The following CSMD2 variants were observed in gnomAD, a reference collection of about 807,000 sequenced individuals.
CSMD2 encodes the protein CUB and Sushi multiple domains 2.
In CSMD2, 130 loss-of-function variants were observed where a neutral mutation model predicts 398.5. The observed-to-expected ratio is 0.33, with a 90% CI of 0.28 to 0.38. The LOEUF is 0.38. CSMD2 is among the 10% of genes least tolerant of loss of function. CSMD2 has a pLI of 1.00. For synonymous variants in CSMD2, 1,828 were observed against 1,908.5 expected (o/e 0.96, Z 1.10); for missense variants, 3,829 against 4,764.9 (o/e 0.80, Z 5.78).
intron 14 of CSMD2, among the ~76,000 whole-genome samples, chr1:33,740,871 C>T (rs1647038196): frequency 6.6e-6 from 1 of 152,182 alleles, no homozygotes; most frequent in African/African-American, 2.4e-5. Context: ...ATGCACATAG[C>T]AGGAATATGG....
intron 41 of CSMD2, chr1:33,605,788 G>T: frequency 8.5e-7 from 1 of 1,177,922 alleles, no homozygotes; most frequent in Non-Finnish European, 1.2e-6. Context: ...TTGCTCAATT[G>T]AACCTCTATT....
chr1:33,665,159 T>C (rs1413132988), intron 25 of CSMD2, among the ~76,000 whole-genome samples: 3 of 152,186 alleles, frequency 2.0e-5, no homozygotes, highest in African/African-American at 7.2e-5. Context: ...ATTCTACTTA[T>C]ATATTATGAC....
chr1:33,611,389 C>G (rs1640993403), intron 40 of CSMD2, 139 bp from the exon 41 acceptor site: 1 of 715,594 alleles, frequency 1.4e-6, no homozygotes, highest in African/African-American at 1.8e-5. Context: ...CTAGAACTGG[C>G]TTTGGGAATT....
intron 64 of CSMD2, among the ~76,000 whole-genome samples, chr1:33,530,091 G>T (rs555709879): frequency 6.6e-6 from 1 of 152,272 alleles, no homozygotes; most frequent in South Asian, 2.1e-4. Flanking sequence ...AGACAAATGA[G>T]ATTACATCAA....
chr1:34,000,246 T>C (rs1646858174), intron 3 of CSMD2, among the ~76,000 whole-genome samples: 1 of 152,110 alleles, frequency 6.6e-6, no homozygotes, highest in South Asian at 2.1e-4. Context: ...TGTGGGAATG[T>C]GGACCAGCCA....
At chr1:33,664,919 T>C (rs1437485897) in intron 25 of CSMD2, among the ~76,000 whole-genome samples, 2 of 152,222 alleles carry the variant, frequency 1.3e-5, no homozygotes, top group Non-Finnish European at 2.9e-5. Context: ...CTAATCAGTA[T>C]TGATGTTACT....
At chr1:33,645,806 C>T (rs987127319) in intron 29 of CSMD2, among the ~76,000 whole-genome samples, 3 of 152,146 alleles carry the variant, frequency 2.0e-5, no homozygotes, top group African/African-American at 7.2e-5. Flanking sequence ...ATGCTTTATC[C>T]AAGGTCACGC....
intron 2 of CSMD2, among the ~76,000 whole-genome samples, chr1:34,033,676 G>A (rs141534778): frequency 8.9e-4 from 136 of 152,256 alleles, no homozygotes; most frequent in Non-Finnish European, 1.7e-3. Context: ...AGGAATCTAG[G>A]AGGAATTTCA....
At chr1:33,674,398 G>A (rs1473224213) in intron 25 of CSMD2, among the ~76,000 whole-genome samples, 1 of 152,184 alleles carries the variant, frequency 6.6e-6, no homozygotes, top group East Asian at 1.9e-4. Flanking sequence ...AATTCAACAA[G>A]AGGAGCTAAC....
At chr1:33,561,053 T>G (rs1658494276) in intron 53 of CSMD2, among the ~76,000 whole-genome samples, 1 of 152,220 alleles carries the variant, frequency 6.6e-6, no homozygotes, top group South Asian at 2.1e-4. Context: ...GATTAGGAAC[T>G]ATAAGGGATG....
rs534257392 is a variant in CSMD2 at position 33,920,520 on chromosome 1, C to A, written c.713-2219G>T. On this transcript the variant is annotated intron_variant, in intron 4 of 70. Coordinates refer to ENST00000373381, the MANE Select transcript of CSMD2 (RefSeq NM_001281956.2). ...TTGTGCTATTGCACTCCAGCCAGGG[C>A]AATAAGAGCGACAATCTGTCTCAAA... Among the ~76,000 whole-genome samples the A allele has an allele frequency of 2.7e-5, 3 of 109,530 alleles. No individual in the cohort carries two copies. In the South Asian group the frequency reaches 9.7e-4, roughly 36 times the overall value. 71.9% of individuals were successfully genotyped at this position (109,530 alleles called of 152,430 possible). A position where few individuals can be genotyped will look rare whatever the true frequency, so the allele number is the denominator to read the frequency against.
At chr1:33,534,154 T>C (rs2148567585) in intron 62 of CSMD2, among the ~76,000 whole-genome samples, 1 of 152,318 alleles carries the variant, frequency 6.6e-6, no homozygotes, top group Admixed American at 6.5e-5. Context: ...ACACGGTGGC[T>C]GATTCAGAGT....
intron 13 of CSMD2, among the ~76,000 whole-genome samples, chr1:33,745,486 TA>T (rs1647274009): frequency 6.6e-6 from 1 of 152,186 alleles, no homozygotes; most frequent in Non-Finnish European, 1.5e-5. Flanking sequence ...TTACTAAAGG[TA>T]ATGATGCTAA....
At chr1:33,534,464 C>T (rs947905340) in intron 62 of CSMD2, among the ~76,000 whole-genome samples, 2 of 152,162 alleles carry the variant, frequency 1.3e-5, no homozygotes, top group Non-Finnish European at 2.9e-5. Context: ...GAACGAACTG[C>T]CACCCTCCCT....
intron 2 of CSMD2, among the ~76,000 whole-genome samples, chr1:34,033,083 T>C (rs976035774): frequency 9.2e-5 from 14 of 152,310 alleles, no homozygotes; most frequent in African/African-American, 3.4e-4. Context: ...TTTATTCACA[T>C]AGTAAGGGAA....
intron 5 of CSMD2, among the ~76,000 whole-genome samples, chr1:33,851,070 G>C (rs1250193177): frequency 6.6e-6 from 1 of 152,176 alleles, no homozygotes; most frequent in Non-Finnish European, 1.5e-5. Flanking sequence ...AGGGGGAGGA[G>C]TGTTAGGAGA....
chr1:33,643,496 A>C (rs768285534), intron 29 of CSMD2, among the ~76,000 whole-genome samples: 1 of 152,232 alleles, frequency 6.6e-6, no homozygotes, highest in Non-Finnish European at 1.5e-5. Flanking sequence ...ATCAAAGTAC[A>C]TATCAAATAC....
At chr1:33,851,156 T>C (rs1424243725) in intron 5 of CSMD2, among the ~76,000 whole-genome samples, 2 of 152,118 alleles carry the variant, frequency 1.3e-5, no homozygotes, top group South Asian at 2.1e-4. Flanking sequence ...ACCAAGCACA[T>C]ATTTTGTAAA....
At chr1:33,809,026 T>C (rs142386429) in intron 10 of CSMD2, among the ~76,000 whole-genome samples, 531 of 151,536 alleles carry the variant, frequency 3.5e-3, no homozygotes, top group Non-Finnish European at 6.1e-3. Flanking sequence ...TTACATGTAT[T>C]AAGTCTATAG....
Sources: allele counts gnomAD v4.1 joint callset (sites outside exome capture counted in the v4.1 genomes callset), GRCh38; gene constraint gnomAD v4.1.1; transcripts MANE v1.5; gene names NCBI Gene and HGNC (gene_info 2026-07-23, HGNC 2026-07-21).